Variants in KASH5 observed in about 807,000 individuals in gnomAD.
The protein encoded by KASH5 is protein KASH5.
In KASH5, 72 loss-of-function variants were observed where a neutral mutation model predicts 84.2. The ratio of observed to expected loss-of-function variants is 0.85; its 90% CI spans 0.71 to 1.04. KASH5 has a LOEUF of 1.04. Ranked by LOEUF, KASH5 falls within the 50% of genes least tolerant of loss-of-function variation. KASH5 has a pLI of 0.00. For synonymous variants in KASH5, 260 were observed against 279.1 expected (o/e 0.93, Z 0.68); for missense variants, 650 against 701.0 (o/e 0.93, Z 0.82).
chr19:49,398,223 C>T, intron 7 of KASH5, 80 bp downstream of exon 7: 4 of 1,283,956 alleles, frequency 3.1e-6, no homozygotes, highest in Non-Finnish European at 4.3e-6. Flanking sequence ...ATCTCCCATG[C>T]TCGTGTCTGC....
chr19:49,397,050 GT>G (rs1045892820), intron 5 of KASH5, among the ~76,000 whole-genome samples: 2 of 145,550 alleles, frequency 1.4e-5, no homozygotes, highest in Non-Finnish European at 3.0e-5. Context: ...GCAGGATCCT[GT>G]CTTTTAAAAA....
Position 49,417,052 on chromosome 19 carries a change from G to T in KASH5, c.1412G>T (p.Gly471Val). ...GTCCCTCTAGGAGCCCCTCGCCCTG[G>T]AGACATCCCAGAAAACCCTCCAGAG... Reference protein sequence around the residue: ...LPVPLGAPRPGDIPENPPERP... With the variant: ...LPVPLGAPRPVDIPENPPERP... The change falls in exon 18 of 20, where the codon GGA becomes GTA. Residue 471 changes from glycine (G) to valine (V), a missense_variant. By Grantham distance (109) the Gly-to-Val change is moderately radical. Transcript: ENST00000447857. This position sits in a 1 kb window ranked among gnomAD's most constrained non-coding sequence, Gnocchi z 5.2. The T allele has an allele frequency of 6.3e-7, 1 of 1,596,190 alleles. No homozygotes were observed. The highest frequency in any genetic ancestry group is 8.5e-7 in the Non-Finnish European group (1 of 1,171,882).
At chr19:49,409,598 C>A (rs934415183) in intron 14 of KASH5, among the ~76,000 whole-genome samples, 155 bp from the exon 15 acceptor site, 1 of 152,142 alleles carries the variant, frequency 6.6e-6, no homozygotes, top group Non-Finnish European at 1.5e-5. Flanking sequence ...CTCCCCTGTT[C>A]CTGCTTCTGC....
In KASH5 at chr19:49,407,645, C is replaced by G. The variant is rs754254140; in HGVS notation, c.967C>G (p.Leu323Val). 6.2e-7 allele frequency: 1 copy of G among 1,604,954 alleles called. No homozygotes were observed. The highest frequency in any genetic ancestry group is 1.1e-5 in the South Asian group (1 of 89,320). The change falls in exon 12 of 20, where the codon CTG becomes GTG. Residue 323 changes from leucine to valine, a missense_variant. Physicochemically the swap from Leu to Val is conservative, Grantham distance 32. Coordinates refer to ENST00000447857, the MANE Select transcript of KASH5 (RefSeq NM_144688.5). Reference protein sequence around the residue: ...TRDVESLAQTLEEYRVTTQEL... With the variant: ...TRDVESLAQTVEEYRVTTQEL... ...CGATGTGGAGAGCCTGGCCCAGACC[C>G]TGGAAGAATACAGAGTGACGACGCA...
At chr19:49,400,368 CTTTTTTTTT>C (rs762991520) in intron 9 of KASH5, among the ~76,000 whole-genome samples, 1 of 100,954 alleles carries the variant, frequency 9.9e-6, no homozygotes, top group African/African-American at 3.7e-5. Context: ...TTTTTTTTTT[CTTTTTTTTT>C]TTTTTGAGAC....
intron 9 of KASH5, among the ~76,000 whole-genome samples, chr19:49,400,377 T>A (rs997352284): frequency 6.7e-6 from 1 of 149,222 alleles, no homozygotes; most frequent in Non-Finnish European, 1.5e-5. Flanking sequence ...TCTTTTTTTT[T>A]TTTTTGAGAC....
rs1032961219 is a variant in KASH5, at chr19:49,395,796, C to T, written c.363C>T (p.Ala121=). 2 of 1,565,108 alleles carry T rather than the reference C, an allele frequency of 1.3e-6. No homozygotes were observed. The highest frequency in any genetic ancestry group is 1.2e-5 in the South Asian group (1 of 84,676). The change falls in exon 5 of 20, where the codon GCC becomes GCT. Residue 121 remains alanine (A), a synonymous_variant. Coordinates refer to ENST00000447857, the MANE Select transcript of KASH5 (RefSeq NM_144688.5). The surrounding 1 kb of genome is among the most constrained non-coding windows in gnomAD (Gnocchi z 4.4). ...GATTAGAGCTGGAAGAGGAGACCGC[C>T]TTCCAGGGAGCCCTGACCTCCCGGC... is the stretch of plus-strand genomic sequence containing the variant. ...HGGLELEEET[A]FQGALTSRQL...
At chr19:49,413,095 T>A in intron 16 of KASH5, 69 bp downstream of exon 16, 1 of 1,465,864 alleles carries the variant, frequency 6.8e-7, no homozygotes, top group Non-Finnish European at 9.5e-7. Flanking sequence ...GTAGGAGGAC[T>A]GGATGTGCCC....
At chr19:49,411,752 C>T (rs1351200507) in intron 15 of KASH5, among the ~76,000 whole-genome samples, 1 of 152,062 alleles carries the variant, frequency 6.6e-6, no homozygotes, top group African/African-American at 2.4e-5. Flanking sequence ...ATGGGTTGCC[C>T]CAGTGCAGAA....
chr19:49,415,257 C>T, intron 17 of KASH5: 2 of 560,728 alleles, frequency 3.6e-6, no homozygotes. Flanking sequence ...CTGCAGCCAC[C>T]ACACCGCAGG....
chr19:49,390,794 C>T lies in KASH5; in HGVS notation c.-90C>T. 5.6e-6 allele frequency: 8 copies of T among 1,416,966 alleles called. No homozygotes were observed. Among genetic ancestry groups the T allele is most frequent in the Non-Finnish European group, 7.6e-6 (8 of 1,056,514 alleles). 87.8% of individuals were successfully genotyped at this position (1,416,966 alleles called of 1,614,324 possible). A position where few individuals can be genotyped will look rare whatever the true frequency, so the allele number is the denominator to read the frequency against. On this transcript the variant is annotated 5_prime_UTR_variant, in exon 2 of 20. Coordinates refer to ENST00000447857, the MANE Select transcript of KASH5 (RefSeq NM_144688.5). Reference sequence around the variant, plus strand: ...TTTCCTGCTTCTCCTTCCAGGAGTGCTCGGGCCAGCTGGTCCTTTTCCCAT... The same window carrying T: ...TTTCCTGCTTCTCCTTCCAGGAGTGTTCGGGCCAGCTGGTCCTTTTCCCAT...
At chr19:49,409,458 C>T (rs1974641589) in intron 14 of KASH5, among the ~76,000 whole-genome samples, 175 bp downstream of exon 14, 1 of 152,202 alleles carries the variant, frequency 6.6e-6, no homozygotes, top group Non-Finnish European at 1.5e-5. Context: ...CCCAAACCCA[C>T]TGCCAGACCC....
At chr19:49,410,062 G>A (rs1974662151) in intron 15 of KASH5, among the ~76,000 whole-genome samples, 187 bp downstream of exon 15, 1 of 152,168 alleles carries the variant, frequency 6.6e-6, no homozygotes, top group Non-Finnish European at 1.5e-5. Flanking sequence ...CCTACCCCAG[G>A]GACTGACCTG....
In KASH5 at chr19:49,398,127, C is replaced by T. The variant is rs1438994473; in HGVS notation, c.613C>T (p.Arg205Cys). 1.9e-6 allele frequency: 3 copies of T among 1,584,624 alleles called. No individual in the cohort carries two copies. The highest frequency in any genetic ancestry group is 4.5e-5 in the East Asian group (2 of 44,138). Reference sequence around the variant, plus strand: ...CCTTGGGGAGGAGATCTTGGCTCTGCGTAAGCAGCTTCACAGGTGGGCTGG... The same window carrying T: ...CCTTGGGGAGGAGATCTTGGCTCTGTGTAAGCAGCTTCACAGGTGGGCTGG... ...ARLGEEILAL[R>C]KQLHSTQQAL... The change falls in exon 7 of 20, where the codon CGT (arginine) becomes TGT (cysteine). Residue 205 changes from arginine (R) to cysteine (C), a missense_variant. Coordinates refer to ENST00000447857, the MANE Select transcript of KASH5 (RefSeq NM_144688.5).
Position 49,399,342 on chromosome 19 carries a change from G to A in KASH5, c.748-115G>A. On this transcript the variant is annotated intron_variant, in intron 8 of 19. Coordinates refer to ENST00000447857, the MANE Select transcript of KASH5 (RefSeq NM_144688.5). This position sits in a 1 kb window ranked among gnomAD's most constrained non-coding sequence, Gnocchi z 4.4. ...AAAGGAGACAGCAGGAGCCATCAGGGCTTCCCAGACCCATTCCCCCAGGCC... is the reference window on the plus strand; with the variant it reads ...AAAGGAGACAGCAGGAGCCATCAGGACTTCCCAGACCCATTCCCCCAGGCC... 1 of 1,109,560 alleles carries A rather than the reference G, an allele frequency of 9.0e-7. No homozygotes were observed. The highest frequency in any genetic ancestry group is 1.6e-5 in the African/African-American group (1 of 64,424). 68.7% of individuals were successfully genotyped at this position (1,109,560 alleles called of 1,614,324 possible).
In KASH5 at chr19:49,414,459, C is replaced by T. The variant is rs894067655; in HGVS notation, c.1329-492C>T. ...AACCCACTAGACAGGAAGGGGGTTT[C>T]GACACGTGCTCTGGGGTCTTACAGA... On this transcript the variant is annotated intron_variant, in intron 16 of 19. Coordinates refer to ENST00000447857, the MANE Select transcript of KASH5 (RefSeq NM_144688.5). The surrounding 1 kb of genome is among the most constrained non-coding windows in gnomAD (Gnocchi z 4.5). 3.3e-5 allele frequency among the ~76,000 whole-genome samples: 5 copies of T among 151,944 alleles called. No homozygotes were observed. Among genetic ancestry groups the T allele is most frequent in the South Asian group, 2.1e-4 (1 of 4,806 alleles).
In KASH5 at chr19:49,414,882, C is replaced by T. The variant is rs1256426997; in HGVS notation, c.1329-69C>T. On this transcript the variant is annotated intron_variant, in intron 16 of 19. Transcript: ENST00000447857. The surrounding 1 kb of genome is among the most constrained non-coding windows in gnomAD (Gnocchi z 4.5). ...ACCCCCTGCTCCAAGGCTTCTCTCC[C>T]AGCCCATAGTAGGCAAAGGGAACCA... 2 of 1,561,534 alleles carry T rather than the reference C, an allele frequency of 1.3e-6. No individual in the cohort carries two copies. Among genetic ancestry groups the T allele is most frequent in the Non-Finnish European group, 1.7e-6 (2 of 1,148,510 alleles).
At chr19:49,413,237 T>C (rs773044603) in intron 16 of KASH5, among the ~76,000 whole-genome samples, 5 of 152,162 alleles carry the variant, frequency 3.3e-5, no homozygotes, top group Non-Finnish European at 7.4e-5. Context: ...TGACCCTGCC[T>C]TGGGGGAGGG....
Position 49,406,960 on chromosome 19 carries a change from G to C in KASH5, c.873G>C (p.Leu291Phe), listed in dbSNP as rs1458562832. 1 of 1,589,260 alleles carries C rather than the reference G, an allele frequency of 6.3e-7. No individual in the cohort carries two copies. Reference sequence around the variant, plus strand: ...AGCTGGCCATGGAGAAGGACACTTTGAAGGTGCCACTCCTTCCTAGTGCCT... The same window carrying C: ...AGCTGGCCATGGAGAAGGACACTTTCAAGGTGCCACTCCTTCCTAGTGCCT... The part of the protein sequence containing the change: ...SQELAMEKDT[L>F]KRQLFECEHL... Residue 291 changes from leucine (L) to phenylalanine (F), a missense_variant, in exon 10 of 20, where the codon TTG (leucine) becomes TTC (phenylalanine). By Grantham distance (22) the Leu-to-Phe change is conservative. Transcript: ENST00000447857.
Sources: gnomAD v4.1 joint callset for allele counts (sites outside exome capture counted in the v4.1 genomes callset) on GRCh38, gnomAD v4.1.1 for gene constraint, Gnocchi (gnomAD v3.1) non-coding constraint, MANE v1.5 for transcripts, NCBI Gene and HGNC (gene_info 2026-07-23, HGNC 2026-07-21) for gene names.